Variants in NLGN1 observed in about 807,000 individuals in gnomAD.
NLGN1 encodes the protein neuroligin-1.
In NLGN1, 12 loss-of-function variants were observed where a neutral mutation model predicts 65.5. The ratio of observed to expected loss-of-function variants is 0.18; its 90% CI spans 0.12 to 0.30. The LOEUF is 0.30. Ranked by LOEUF, NLGN1 falls within the 10% of genes least tolerant of loss-of-function variation. NLGN1 has a pLI of 1.00. For synonymous variants in NLGN1, 350 were observed against 359.5 expected (o/e 0.97, Z 0.30); for missense variants, 750 against 1,007.1 (o/e 0.74, Z 3.46).
chr3:173,920,375 T>G (rs1741749387), intron 4 of NLGN1, among the ~76,000 whole-genome samples: 1 of 152,100 alleles, frequency 6.6e-6, no homozygotes, highest in Non-Finnish European at 1.5e-5. Flanking sequence ...ACTATGATAA[T>G]ATAATTTGTT....
intron 4 of NLGN1, among the ~76,000 whole-genome samples, chr3:173,887,014 C>T (rs947325891): frequency 5.3e-5 from 8 of 151,948 alleles, no homozygotes; most frequent in African/African-American, 1.9e-4. Context: ...ACGAATCAAC[C>T]TTGAGATATT....
At chr3:173,789,066 G>T (rs1032530710) in intron 3 of NLGN1, among the ~76,000 whole-genome samples, 5 of 151,840 alleles carry the variant, frequency 3.3e-5, no homozygotes. Flanking sequence ...AGGAATGGTG[G>T]TGTGCACCTG....
intron 3 of NLGN1, among the ~76,000 whole-genome samples, chr3:173,731,361 A>T (rs1034078087): frequency 1.3e-5 from 2 of 152,152 alleles, no homozygotes; most frequent in Non-Finnish European, 2.9e-5. Flanking sequence ...TCATTTAAAT[A>T]TAAGATGGAC....
intron 3 of NLGN1, among the ~76,000 whole-genome samples, chr3:173,762,083 A>G (rs546965653): frequency 6.6e-6 from 1 of 152,204 alleles, no homozygotes; most frequent in South Asian, 2.1e-4. Flanking sequence ...CCTCAAACTG[A>G]TTATTTCATT....
At chr3:173,625,216 G>A (rs1754638412) in intron 3 of NLGN1, among the ~76,000 whole-genome samples, 1 of 152,114 alleles carries the variant, frequency 6.6e-6, no homozygotes, top group Admixed American at 6.6e-5. Context: ...TGGTAAAGAA[G>A]TAAGGAAAGG....
chr3:173,742,083 T>G (rs1774737576), intron 3 of NLGN1, among the ~76,000 whole-genome samples: 2 of 152,158 alleles, frequency 1.3e-5, no homozygotes, highest in Non-Finnish European at 2.9e-5. Flanking sequence ...AAATAAGATT[T>G]GTTTCTTCCT....
intron 4 of NLGN1, among the ~76,000 whole-genome samples, chr3:173,935,504 A>G (rs1317519347): frequency 2.6e-5 from 4 of 151,888 alleles, no homozygotes; most frequent in Non-Finnish European, 5.9e-5. Flanking sequence ...CAAAAAATCC[A>G]GTAATGACAC....
chr3:173,449,368 C>T (rs1292606053), intron 2 of NLGN1, among the ~76,000 whole-genome samples: 26 of 151,880 alleles, frequency 1.7e-4, no homozygotes, highest in South Asian at 6.3e-4. Flanking sequence ...TGTAGTTGAG[C>T]GGTTTTGAGT....
intron 4 of NLGN1, among the ~76,000 whole-genome samples, chr3:174,114,001 ATTTATT>A (rs1328052626): frequency 1.3e-5 from 2 of 152,148 alleles, no homozygotes; most frequent in African/African-American, 4.8e-5. Context: ...AATAAAGATA[ATTTATT>A]TTACCAGATG....
chr3:173,747,059 T>TATACACAC (rs1197425021), intron 3 of NLGN1, among the ~76,000 whole-genome samples: 2 of 130,332 alleles, frequency 1.5e-5, no homozygotes, highest in Admixed American at 7.7e-5. Flanking sequence ...AAATTATATA[T>TATACACAC]ACACACACAC....
At chr3:173,627,611 T>G (rs1253365012) in intron 3 of NLGN1, among the ~76,000 whole-genome samples, 1 of 152,122 alleles carries the variant, frequency 6.6e-6, no homozygotes, top group Admixed American at 6.6e-5. Context: ...TTTTGAGGAA[T>G]CTGCCATAGT....
intron 3 of NLGN1, among the ~76,000 whole-genome samples, chr3:173,795,116 C>T (rs1713749759): frequency 6.6e-6 from 1 of 151,842 alleles, no homozygotes. Flanking sequence ...TGTTTCCTTC[C>T]AAAACATGTG....
At chr3:174,145,960 A>T (rs1174081916) in intron 4 of NLGN1, among the ~76,000 whole-genome samples, 1 of 152,264 alleles carries the variant, frequency 6.6e-6, no homozygotes, top group African/African-American at 2.4e-5. Flanking sequence ...CATCATGACT[A>T]GTGTGTGTGC....
intron 4 of NLGN1, among the ~76,000 whole-genome samples, chr3:174,271,392 C>T (rs756518785): frequency 2.0e-5 from 3 of 151,584 alleles, no homozygotes; most frequent in African/African-American, 4.8e-5. Flanking sequence ...ACCAATAAAC[C>T]GCAGGGCTAC....
At chr3:173,749,426 T>C (rs941427206) in intron 3 of NLGN1, among the ~76,000 whole-genome samples, 2 of 152,074 alleles carry the variant, frequency 1.3e-5, no homozygotes, top group Non-Finnish European at 2.9e-5. Context: ...ATCTTGAAGA[T>C]ACTCTTCTAA....
chr3:173,534,758 G>A (rs931639028), intron 2 of NLGN1, among the ~76,000 whole-genome samples: 1 of 152,176 alleles, frequency 6.6e-6, no homozygotes, highest in African/African-American at 2.4e-5. Context: ...GCAGAGCCAG[G>A]ATTCAAATCC....
chr3:174,151,688 G>C (rs537268015), intron 4 of NLGN1, among the ~76,000 whole-genome samples: 23 of 152,160 alleles, frequency 1.5e-4, no homozygotes, highest in African/African-American at 5.5e-4. Flanking sequence ...TATGTTGATG[G>C]GTTTCCTTTG....
intron 2 of NLGN1, among the ~76,000 whole-genome samples, chr3:173,504,126 T>C (rs994631270): frequency 1.3e-5 from 2 of 152,090 alleles, no homozygotes. Flanking sequence ...TCAGAAGATT[T>C]AGAAAAATGT....
At chr3:173,600,284 A>G (rs981973306) in intron 2 of NLGN1, among the ~76,000 whole-genome samples, 2 of 151,968 alleles carry the variant, frequency 1.3e-5, no homozygotes, top group African/African-American at 4.8e-5. Context: ...CATCATGACT[A>G]TAGAACATAA....
Sources: gnomAD v4.1 joint callset for allele counts (sites outside exome capture counted in the v4.1 genomes callset) on GRCh38, gnomAD v4.1.1 for gene constraint, MANE v1.5 for transcripts, NCBI Gene and HGNC (gene_info 2026-07-23, HGNC 2026-07-21) for gene names.